Variants in CACNA1C observed in about 807,000 individuals in gnomAD.
CACNA1C encodes calcium voltage-gated channel subunit alpha1 C.
In CACNA1C, 30 loss-of-function variants were observed where a neutral mutation model predicts 229.0. The observed-to-expected ratio is 0.13, with a 90% CI of 0.10 to 0.18. The LOEUF is 0.18. Among genes scored for constraint, CACNA1C ranks in the 10% least tolerant of loss-of-function variants. CACNA1C has a pLI of 1.00. For missense variants in CACNA1C, 1,658 were observed against 2,845.0 expected, an observed-to-expected ratio of 0.58 and a Z score of 9.49; for synonymous variants, 1,114 against 1,132.5, an observed-to-expected ratio of 0.98 and a Z score of 0.33.
chr12:2,310,052 T>C (rs1452377211), intron 3 of CACNA1C, among the ~76,000 whole-genome samples: 2 of 152,176 alleles, frequency 1.3e-5, no homozygotes, highest in African/African-American at 4.8e-5. Context: ...GTTTAAATCT[T>C]TCTGTCTGGT....
chr12:2,309,044 A>G (rs1463883624), intron 3 of CACNA1C, among the ~76,000 whole-genome samples: 1 of 152,216 alleles, frequency 6.6e-6, no homozygotes, highest in Non-Finnish European at 1.5e-5. Context: ...TTGCACCCCC[A>G]TGTTCATTGC....
At chr12:2,005,352 T>C (rs1415238287) in intron 1 of CACNA1C, among the ~76,000 whole-genome samples, 1 of 152,248 alleles carries the variant, frequency 6.6e-6, no homozygotes, top group Non-Finnish European at 1.5e-5. Context: ...ACTTCTGTGC[T>C]TGAGTTGTAG....
chr12:2,223,291 G>A (rs1019553253), intron 3 of CACNA1C: 4 of 152,222 alleles, frequency 2.6e-5, no homozygotes, highest in Non-Finnish European at 4.4e-5. Context: ...GAAGCAGCCA[G>A]GTCTAACCAA....
chr12:2,501,519 C>A (rs999969098), intron 7 of CACNA1C, among the ~76,000 whole-genome samples: 1 of 152,208 alleles, frequency 6.6e-6, no homozygotes, highest in African/African-American at 2.4e-5. Flanking sequence ...GTGACCACTG[C>A]TAAGAATAGT....
intron 1 of CACNA1C, among the ~76,000 whole-genome samples, chr12:2,106,895 G>A (rs2079073403): frequency 1.8e-5 from 1 of 54,674 alleles, no homozygotes; most frequent in African/African-American, 5.6e-5. Context: ...GCATCCTGAA[G>A]CCACTGGGCG....
chr12:2,138,769 G>A (rs1339839713), intron 3 of CACNA1C, among the ~76,000 whole-genome samples: 1 of 151,168 alleles, frequency 6.6e-6, no homozygotes, highest in African/African-American at 2.4e-5. Flanking sequence ...CTCTTGTGCG[G>A]CCTGCAGAAC....
At chr12:2,203,669 T>TGCTCCTTCAGGGTCACC (rs2097667681) in intron 3 of CACNA1C, among the ~76,000 whole-genome samples, 1 of 150,970 alleles carries the variant, frequency 6.6e-6, no homozygotes. Context: ...CAGGGGACAC[T>TGCTCCTTCAGGGTCACC]GCTCCTTCAG....
At chr12:2,139,872 A>G (rs1021074599) in intron 3 of CACNA1C, among the ~76,000 whole-genome samples, 1 of 151,202 alleles carries the variant, frequency 6.6e-6, no homozygotes, top group African/African-American at 2.4e-5. Flanking sequence ...CTCATGCGAC[A>G]TGCCCTGGCT....
chr12:2,440,601 C>T (rs1430001316), intron 3 of CACNA1C, among the ~76,000 whole-genome samples: 4 of 152,194 alleles, frequency 2.6e-5, no homozygotes, highest in African/African-American at 9.7e-5. Flanking sequence ...CCATACCTGG[C>T]AAGCAGGCTT....
Position 2,319,643 on chromosome 12 carries a change from T to C in CACNA1C, c.478-129333T>C, listed in dbSNP as rs74059831. Among the ~76,000 whole-genome samples the C allele has an allele frequency of 0.034, 5,138 of 152,234 alleles. 202 individuals carry two copies. Among genetic ancestry groups the C allele is most frequent in the African/African-American group, 0.097 (4,044 of 41,510 alleles). The stretch of plus-strand genomic sequence containing the variant: ...CACCCTCCGGGCAGACCTCATCTTC[T>C]TCAGACATTTCTTTTACTCTTTGGC... On this transcript the variant is annotated intron_variant, in intron 3 of 46. Coordinates refer to ENST00000399655, the MANE Select transcript of CACNA1C (RefSeq NM_000719.7). The surrounding 1 kb of genome is among the most constrained non-coding windows in gnomAD (Gnocchi z 4.0).
chr12:2,443,466 C>G (rs561220806), intron 3 of CACNA1C, among the ~76,000 whole-genome samples: 1 of 152,216 alleles, frequency 6.6e-6, no homozygotes, highest in African/African-American at 2.4e-5. Context: ...GGTTCATTCT[C>G]TCTTCTGCAG....
Position 2,566,327 on chromosome 12 carries a change from G to A in CACNA1C, c.1509-95G>A, listed in dbSNP as rs780993870. 91 of 1,192,090 alleles carry A rather than the reference G, an allele frequency of 7.6e-5. No individual in the cohort carries two copies. Among genetic ancestry groups the A allele is most frequent in the Non-Finnish European group, 1.0e-4 (89 of 850,608 alleles). The allele number at this position is 1,192,090 out of a possible 1,614,324, so 73.8% of individuals were successfully genotyped here. Reference sequence around the variant, plus strand: ...GGGCTGCTCTAGCAAGGCCAGATCAGTGAGGGGCGAGAAGAGCCATGGTGC... The same window carrying A: ...GGGCTGCTCTAGCAAGGCCAGATCAATGAGGGGCGAGAAGAGCCATGGTGC... On this transcript the variant is annotated intron_variant, in intron 11 of 46. Transcript: ENST00000399655. This position sits in a 1 kb window ranked among gnomAD's most constrained non-coding sequence, Gnocchi z 4.0.
chr12:2,348,860 C>T lies in CACNA1C; in HGVS notation c.478-100116C>T, dbSNP rs1421497994. The stretch of plus-strand genomic sequence containing the variant: ...TACCCGTCATGTCAGCATTCAGAGC[C>T]CGGCAGGAAAAAGCCTCCTTCAAAG... On this transcript the variant is annotated intron_variant, in intron 3 of 46. Transcript: ENST00000399655. The surrounding 1 kb of genome is among the most constrained non-coding windows in gnomAD (Gnocchi z 4.7). Among the ~76,000 whole-genome samples the T allele has an allele frequency of 6.6e-6, 1 of 152,008 alleles. No homozygotes were observed. The highest frequency in any genetic ancestry group is 1.5e-5 in the Non-Finnish European group (1 of 68,000).
At chr12:2,531,032 T>C (rs1599050249) in intron 9 of CACNA1C, among the ~76,000 whole-genome samples, 1 of 152,234 alleles carries the variant, frequency 6.6e-6, no homozygotes, top group South Asian at 2.1e-4. Flanking sequence ...ACATGCCCAG[T>C]GTCCAGGCAT....
intron 1 of CACNA1C, among the ~76,000 whole-genome samples, chr12:2,005,013 T>C (rs989970140): frequency 3.9e-5 from 6 of 152,048 alleles, no homozygotes; most frequent in African/African-American, 1.4e-4. Context: ...CTTATTTGAC[T>C]TGTTCACTGT....
At chr12:2,592,973 T>C (rs2066124639) in intron 18 of CACNA1C, among the ~76,000 whole-genome samples, 1 of 152,122 alleles carries the variant, frequency 6.6e-6, no homozygotes, top group Non-Finnish European at 1.5e-5. Context: ...ATTTTAGTTT[T>C]AAAACCAGAA....
intron 3 of CACNA1C, among the ~76,000 whole-genome samples, chr12:2,167,221 C>G (rs2096276410): frequency 6.6e-6 from 1 of 151,998 alleles, no homozygotes; most frequent in Non-Finnish European, 1.5e-5. Context: ...AATGAAGTGC[C>G]CTGGGAAGGC....
chr12:2,345,055 G>C (rs2096971685), intron 3 of CACNA1C, among the ~76,000 whole-genome samples: 1 of 148,794 alleles, frequency 6.7e-6, no homozygotes, highest in Non-Finnish European at 1.5e-5. Context: ...CAAGCTCTCT[G>C]GCCGTGAGCC....
chr12:2,057,356 A>G (rs1452720407), intron 1 of CACNA1C, among the ~76,000 whole-genome samples: 3 of 152,340 alleles, frequency 2.0e-5, no homozygotes, highest in South Asian at 2.1e-4. Context: ...ACCTGGCCAG[A>G]CCTGCAGTAG....
Sources: gnomAD v4.1 joint callset for allele counts (sites outside exome capture counted in the v4.1 genomes callset) on GRCh38, gnomAD v4.1.1 for gene constraint, Gnocchi (gnomAD v3.1) non-coding constraint, MANE v1.5 for transcripts, NCBI Gene and HGNC (gene_info 2026-07-23, HGNC 2026-07-21) for gene names.